The following MRPL3 variants were observed in gnomAD, a reference collection of about 807,000 sequenced individuals.
MRPL3 encodes the protein large ribosomal subunit protein uL3m.
MRPL3 carries 43 observed loss-of-function variants against 44.3 expected under a neutral mutation model. That is an observed-to-expected ratio of 0.97 (90% CI 0.76 to 1.25). The LOEUF is 1.25. Ranked by LOEUF, MRPL3 falls within the 50% of genes most tolerant of loss-of-function variation. The pLI is 0.00. For synonymous variants in MRPL3, 171 were observed against 152.3 expected (o/e 1.12, Z -0.91); for missense variants, 406 against 427.6 (o/e 0.95, Z 0.45).
At chr3:131,481,330 T>C (rs767861526) in intron 6 of MRPL3, among the ~76,000 whole-genome samples, 2 of 152,332 alleles carry the variant, frequency 1.3e-5, no homozygotes, top group Non-Finnish European at 2.9e-5. Flanking sequence ...CTTTTTAAAA[T>C]TGAAACTAAT....
rs1490963603 is a variant in MRPL3 at position 131,502,858 on chromosome 3, G to T, written c.-37C>A. On this transcript the variant is annotated 5_prime_UTR_variant, in exon 1 of 10. Transcript: ENST00000264995. ...GGAAGACTCGACTCACGACTTCCGGGCGCCCTGCCGCTCTGCTTTCAGGGA... is the reference window on the plus strand; with the variant it reads ...GGAAGACTCGACTCACGACTTCCGGTCGCCCTGCCGCTCTGCTTTCAGGGA... The T allele has an allele frequency of 1.9e-6, 3 of 1,590,156 alleles. No individual in the cohort carries two copies. The East Asian group carries it at 6.8e-5, about 36-fold the overall frequency.
At chr3:131,474,755 A>G (rs1003841911) in intron 6 of MRPL3, among the ~76,000 whole-genome samples, 1 of 147,968 alleles carries the variant, frequency 6.8e-6, no homozygotes, top group Non-Finnish European at 1.5e-5. Flanking sequence ...AGACTGTACT[A>G]GACTTTTTAA....
At chr3:131,471,307 A>C in intron 6 of MRPL3, 28 bp from the exon 7 acceptor site, 1 of 1,488,282 alleles carries the variant, frequency 6.7e-7, no homozygotes, top group Non-Finnish European at 9.4e-7. Flanking sequence ...TAGAATTTAC[A>C]TAATGAAAAG....
chr3:131,466,978 C>T (rs1192354583), intron 9 of MRPL3, among the ~76,000 whole-genome samples: 1 of 152,034 alleles, frequency 6.6e-6, no homozygotes, highest in African/African-American at 2.4e-5. Flanking sequence ...AGACCACCTC[C>T]GCCAGCTCTC....
At chr3:131,466,072 G>A (rs1315893189) in intron 9 of MRPL3, among the ~76,000 whole-genome samples, 1 of 151,728 alleles carries the variant, frequency 6.6e-6, no homozygotes, top group East Asian at 1.9e-4. Flanking sequence ...TGGCTTAAAT[G>A]CATTTTTTTC....
intron 9 of MRPL3, among the ~76,000 whole-genome samples, chr3:131,463,568 T>C (rs140925801): frequency 5.9e-5 from 9 of 152,278 alleles, no homozygotes; most frequent in African/African-American, 2.2e-4. Flanking sequence ...CCTATCTTCA[T>C]ATACAACAAA....
intron 6 of MRPL3, among the ~76,000 whole-genome samples, chr3:131,478,031 T>C (rs1027814664): frequency 2.0e-5 from 3 of 152,330 alleles, no homozygotes; most frequent in Admixed American, 2.0e-4. Context: ...GTAAATAAAG[T>C]TTTATTGGGA....
At chr3:131,500,951 A>G (rs564744202) in intron 2 of MRPL3, among the ~76,000 whole-genome samples, 2 of 152,362 alleles carry the variant, frequency 1.3e-5, no homozygotes, top group East Asian at 3.9e-4. Context: ...AAAATATGTC[A>G]GTCTACAACA....
At position 131,494,633 on chromosome 3, in the gene MRPL3, T is replaced by C. The variant is rs767768846; in HGVS notation, c.468+3546A>G. Among the ~76,000 whole-genome samples, 7 of 152,086 alleles carry C rather than the reference T, an allele frequency of 4.6e-5. No homozygotes were observed. In the East Asian group the frequency reaches 5.8e-4, roughly 13 times the overall value. ...CTAAGTAACTTTTTAGACTAAACCATAAATAGAACCAAGGTAAAACATACT... is the reference window on the plus strand; with the variant it reads ...CTAAGTAACTTTTTAGACTAAACCACAAATAGAACCAAGGTAAAACATACT... On this transcript the variant is annotated intron_variant, in intron 4 of 9. Coordinates refer to ENST00000264995, the MANE Select transcript of MRPL3 (RefSeq NM_007208.4).
At chr3:131,481,231 T>G (rs576117286) in intron 6 of MRPL3, among the ~76,000 whole-genome samples, 3 of 152,384 alleles carry the variant, frequency 2.0e-5, no homozygotes, top group African/African-American at 7.2e-5. Context: ...CAAAACTTAA[T>G]GTATTGGAAA....
intron 4 of MRPL3, chr3:131,497,883 G>A (rs570564061): frequency 7.0e-6 from 2 of 284,768 alleles, no homozygotes; most frequent in East Asian, 8.6e-5. Context: ...TTTAATCCTT[G>A]TGATAAATCT....
Position 131,478,602 on chromosome 3 carries a change from C to T in MRPL3, c.630-7323G>A, listed in dbSNP as rs138744129. Among the ~76,000 whole-genome samples the T allele has an allele frequency of 8.8e-4, 134 of 152,216 alleles. 1 individual carries two copies. Among genetic ancestry groups the T allele is most frequent in the African/African-American group, 3.0e-3 (123 of 41,538 alleles). On this transcript the variant is annotated intron_variant, in intron 6 of 9. Transcript: ENST00000264995. ...TTCCATGCCTTTGTTCATTTTGTTC[C>T]TTCTGCCTCAAACACCCTTCATACT...
At chr3:131,477,831 G>A (rs1043775897) in intron 6 of MRPL3, among the ~76,000 whole-genome samples, 2 of 152,058 alleles carry the variant, frequency 1.3e-5, no homozygotes, top group Admixed American at 6.5e-5. Context: ...TTTTAAAATA[G>A]AATCTCTCCA....
intron 6 of MRPL3, among the ~76,000 whole-genome samples, chr3:131,484,329 A>T (rs530785858): frequency 1.3e-5 from 2 of 152,302 alleles, no homozygotes; most frequent in South Asian, 4.1e-4. Context: ...CCAGACCTAC[A>T]GAATCAGAAG....
intron 8 of MRPL3, 54 bp downstream of exon 8, chr3:131,469,642 C>T (rs947228505): frequency 4.8e-6 from 6 of 1,257,022 alleles, no homozygotes; most frequent in Non-Finnish European, 6.9e-6. Context: ...ATTCTGCTGC[C>T]TTTGCATTTA....
At chr3:131,469,799 CTT>C in intron 7 of MRPL3, 26 bp from the exon 8 acceptor site, 2 of 1,452,998 alleles carry the variant, frequency 1.4e-6, no homozygotes, top group Non-Finnish European at 1.9e-6. Context: ...AAAGTTAACA[CTT>C]TTAAGTACTA....
At chr3:131,463,391 A>C (rs1338535920) in intron 9 of MRPL3, among the ~76,000 whole-genome samples, 2 of 152,138 alleles carry the variant, frequency 1.3e-5, no homozygotes, top group East Asian at 3.9e-4. Context: ...AAAAAAAAAA[A>C]AAAGTCCTGT....
At chr3:131,467,085 A>G (rs9870369) in intron 9 of MRPL3, among the ~76,000 whole-genome samples, 57,615 of 151,924 alleles carry the variant, frequency 0.38, 12,608 homozygotes, top group Non-Finnish European at 0.5. Context: ...AGATCATGCA[A>G]TATTTGTCTT....
chr3:131,502,306 T>C (rs1934516447), intron 1 of MRPL3, among the ~76,000 whole-genome samples: 1 of 152,244 alleles, frequency 6.6e-6, no homozygotes. Context: ...TGTAGTCAGA[T>C]AAATTCAGGC....
Sources: allele counts gnomAD v4.1 joint callset (sites outside exome capture counted in the v4.1 genomes callset), GRCh38; gene constraint gnomAD v4.1.1; transcripts MANE v1.5; gene names NCBI Gene and HGNC (gene_info 2026-07-23, HGNC 2026-07-21).